The following GSN variants were observed in gnomAD, a reference collection of about 807,000 sequenced individuals.
GSN encodes gelsolin.
Under a neutral mutation model 85.7 loss-of-function variants are expected in GSN, and 56 were observed. The observed-to-expected ratio is 0.65, with a 90% CI of 0.53 to 0.82. GSN has a LOEUF of 0.82. Among genes scored for constraint, GSN ranks in the 40% least tolerant of loss-of-function variants. The probability of loss-of-function intolerance (pLI) is 0.00; values close to 1 mark genes in which losing one functional copy is unlikely to be tolerated. For synonymous variants in GSN, 373 were observed against 399.1 expected, an observed-to-expected ratio of 0.93 and a Z score of 0.78; for missense variants, 857 against 979.8, an observed-to-expected ratio of 0.87 and a Z score of 1.67.
chr9:121,220,330 G>T (rs2132107776), intron 4 of GSN, among the ~76,000 whole-genome samples: 1 of 150,078 alleles, frequency 6.7e-6, no homozygotes, highest in East Asian at 2.0e-4. Flanking sequence ...GGTATTTGGG[G>T]AACTCCCCTA....
At chr9:121,240,338 A>C (rs942827830) in intron 5 of GSN, among the ~76,000 whole-genome samples, 1 of 152,148 alleles carries the variant, frequency 6.6e-6, no homozygotes. Context: ...TAACAATTCA[A>C]CTCATAACAA....
intron 11 of GSN, 86 bp from the exon 12 acceptor site, chr9:121,324,468 G>A (rs1384025651): frequency 1.4e-6 from 1 of 725,434 alleles, no homozygotes; most frequent in Non-Finnish European, 2.5e-6. Flanking sequence ...GTAACAGGGA[G>A]ATGTGTAGGT....
rs2063197496 is a variant in GSN at position 121,326,573 on chromosome 9, T to C, written c.1478T>C (p.Met493Thr). 1.2e-6 allele frequency: 2 copies of C among 1,613,862 alleles called. No homozygotes were observed. Among genetic ancestry groups the C allele is most frequent in the South Asian group, 2.2e-5 (2 of 91,054 alleles). ...HLMSLFGGKPMIIYKGGTSRE... is the reference protein window; with the variant it reads ...HLMSLFGGKPTIIYKGGTSRE... ...ATGAGCCTGTTTGGTGGGAAGCCCA[T>C]GATCATCTACAAGGGCGGCACCTCC... Residue 493 changes from methionine (M) to threonine (T), a missense_variant, in exon 13 of 18, where the codon ATG becomes ACG. Physicochemically the swap from Met to Thr is moderately conservative, Grantham distance 81. Coordinates refer to ENST00000432226, the MANE Select transcript of GSN (RefSeq NM_198252.3).
intron 6 of GSN, among the ~76,000 whole-genome samples, chr9:121,256,171 G>C (rs922010455): frequency 6.6e-6 from 1 of 152,122 alleles, no homozygotes; most frequent in Admixed American, 6.6e-5. Context: ...GGAGGGGAAG[G>C]CTATGTGCCT....
intron 6 of GSN, among the ~76,000 whole-genome samples, chr9:121,258,618 C>T (rs902394964): frequency 1.3e-5 from 2 of 151,990 alleles, no homozygotes; most frequent in Non-Finnish European, 1.5e-5. Flanking sequence ...TACTAATTAA[C>T]GTAAATTGAT....
intron 10 of GSN, 57 bp from the exon 11 acceptor site, chr9:121,321,211 C>G: frequency 1.2e-6 from 2 of 1,602,444 alleles, no homozygotes; most frequent in South Asian, 2.2e-5. Context: ...TCCTGGCTTG[C>G]CTGAGCTGGG....
chr9:121,249,372 G>A (rs1244810729), intron 6 of GSN, among the ~76,000 whole-genome samples: 1 of 152,156 alleles, frequency 6.6e-6, no homozygotes, highest in African/African-American at 2.4e-5. Flanking sequence ...AGCTACTTGG[G>A]AGGCTGAGGC....
chr9:121,290,395 A>T (rs1326656799), intron 2 of GSN, among the ~76,000 whole-genome samples: 9 of 152,196 alleles, frequency 5.9e-5, no homozygotes, highest in Non-Finnish European at 1.3e-4. Context: ...GTTTGGGTTA[A>T]AGGAGGGGAA....
chr9:121,268,478 G>A, intron 1 of GSN, among the ~76,000 whole-genome samples: 1 of 151,974 alleles, frequency 6.6e-6, no homozygotes, highest in Non-Finnish European at 1.5e-5. Flanking sequence ...TGATTCCACT[G>A]TGCTGCTAGC....
At chr9:121,298,915 G>A (rs139810102) in intron 2 of GSN, among the ~76,000 whole-genome samples, 1 of 152,272 alleles carries the variant, frequency 6.6e-6, no homozygotes, top group Non-Finnish European at 1.5e-5. Flanking sequence ...AGGGAGCCTG[G>A]GAGTGAGGAG....
At chr9:121,257,541 G>T (rs989379427) in intron 6 of GSN, among the ~76,000 whole-genome samples, 3 of 152,154 alleles carry the variant, frequency 2.0e-5, no homozygotes, top group African/African-American at 7.2e-5. Flanking sequence ...GAATTCTAGG[G>T]GAGGTTCCCT....
In GSN at chr9:121,302,849, C is replaced by T. The variant is rs1163283614; in HGVS notation, c.197-62C>T. 6.4e-6 allele frequency: 10 copies of T among 1,569,012 alleles called. No homozygotes were observed. The African/African-American group carries it at 9.5e-5, about 15-fold the overall frequency. On this transcript the variant is annotated intron_variant, in intron 3 of 17. Transcript: ENST00000432226. The stretch of plus-strand genomic sequence containing the variant: ...TGCTGGGGTTCCTCCTCCACCTCCT[C>T]TTCCTCAGGGGTCTGGGATACTTCT...
intron 5 of GSN, among the ~76,000 whole-genome samples, chr9:121,236,966 T>C (rs1156771722): frequency 6.6e-6 from 1 of 152,236 alleles, no homozygotes; most frequent in Non-Finnish European, 1.5e-5. Flanking sequence ...TGTTCACATG[T>C]CAGAATGTAG....
intron 2 of GSN, among the ~76,000 whole-genome samples, chr9:121,300,507 C>T (rs1180556954): frequency 6.6e-6 from 1 of 152,070 alleles, no homozygotes; most frequent in African/African-American, 2.4e-5. Flanking sequence ...TTTTTCCACC[C>T]TTCTGCCTGA....
At position 121,300,021 on chromosome 9, in the gene GSN, G is replaced by T; in HGVS notation, c.-9-1942G>T. ...CGAGGCGCGGGTGAGTGCCCGGGGG[G>T]CCCCGGGGCTCCCGGAGTAACTCTC... On this transcript the variant is annotated intron_variant, in intron 2 of 17. Coordinates refer to ENST00000432226, the MANE Select transcript of GSN (RefSeq NM_198252.3). 1.3e-6 allele frequency: 2 copies of T among 1,509,238 alleles called. No homozygotes were observed. The highest frequency in any genetic ancestry group is 1.8e-6 in the Non-Finnish European group (2 of 1,119,650). 93.5% of individuals were successfully genotyped at this position (1,509,238 alleles called of 1,614,324 possible).
At chr9:121,219,781 C>T (rs2054133067) in intron 4 of GSN, among the ~76,000 whole-genome samples, 1 of 152,172 alleles carries the variant, frequency 6.6e-6, no homozygotes, top group South Asian at 2.1e-4. Context: ...CATGAATATT[C>T]CCCCTCTTGG....
At chr9:121,229,388 T>G (rs1362831424) in intron 4 of GSN, among the ~76,000 whole-genome samples, 2 of 152,032 alleles carry the variant, frequency 1.3e-5, no homozygotes, top group African/African-American at 4.8e-5. Context: ...ACCCGGCTAA[T>G]TTTGTATTTT....
At chr9:121,279,960 C>T (rs2132556772) in intron 1 of GSN, 1 of 152,348 alleles carries the variant, frequency 6.6e-6, no homozygotes. Context: ...TGGCCTCTGA[C>T]CTCTCTGGTT....
chr9:121,300,096 G>A, intron 2 of GSN: 1 of 1,611,800 alleles, frequency 6.2e-7, no homozygotes, highest in East Asian at 2.2e-5. Flanking sequence ...AGTAATTCAG[G>A]TCTAGAATGG....
Sources: gnomAD v4.1 joint callset for allele counts (sites outside exome capture counted in the v4.1 genomes callset) on GRCh38, gnomAD v4.1.1 for gene constraint, MANE v1.5 for transcripts, NCBI Gene and HGNC (gene_info 2026-07-23, HGNC 2026-07-21) for gene names.